The following TMEM272 variants were observed in gnomAD, a reference collection of about 807,000 sequenced individuals.
TMEM272 encodes transmembrane protein 272, also known as long intergenic non-protein coding RNA 282.
In TMEM272, 8 loss-of-function variants were observed where a neutral mutation model predicts 3.7. That is an observed-to-expected ratio of 2.17 (90% CI 1.27 to 3.91). The LOEUF (loss-of-function observed/expected upper bound fraction) is 3.91. Among genes scored for constraint, TMEM272 ranks in the 30% most tolerant of loss-of-function variants. TMEM272 has a pLI of 0.00. For missense variants in TMEM272, 166 were observed against 91.5 expected, an observed-to-expected ratio of 1.81 and a Z score of -3.32; for synonymous variants, 63 against 39.8, an observed-to-expected ratio of 1.58 and a Z score of -2.20.
chr13:51,871,088 T>G, the TMEM272 span, among the ~76,000 whole-genome samples: 1 of 152,014 alleles, frequency 6.6e-6, no homozygotes, highest in Non-Finnish European at 1.5e-5. Flanking sequence ...TGACTCCTAG[T>G]GATTCTCCCC....
At chr13:51,920,891 C>T in the TMEM272 span, among the ~76,000 whole-genome samples, 4 of 152,332 alleles carry the variant, frequency 2.6e-5, no homozygotes, top group South Asian at 4.1e-4. Context: ...AGTGGACTTC[C>T]GGTGGCCTTC....
upstream of TMEM272, among the ~76,000 whole-genome samples, chr13:51,849,115 A>G (rs1052458975): frequency 6.6e-6 from 1 of 152,154 alleles, no homozygotes; most frequent in African/African-American, 2.4e-5. Context: ...CCTGAGGACA[A>G]TTTAAGAAAA....
chr13:51,874,149 T>G, the TMEM272 span, among the ~76,000 whole-genome samples: 1 of 152,204 alleles, frequency 6.6e-6, no homozygotes, highest in Non-Finnish European at 1.5e-5. Flanking sequence ...GGGACAGTAG[T>G]GTGAGCCAGA....
the TMEM272 span, among the ~76,000 whole-genome samples, chr13:51,854,988 C>G: frequency 1.3e-5 from 2 of 152,262 alleles, no homozygotes; most frequent in South Asian, 4.1e-4. Context: ...CTGGACATCT[C>G]AGAGATACCT....
chr13:51,852,049 A>G, the TMEM272 span, among the ~76,000 whole-genome samples: 1 of 152,242 alleles, frequency 6.6e-6, no homozygotes. Flanking sequence ...ATTCACGTGT[A>G]ATTTTCTTAG....
the TMEM272 span, chr13:51,932,794 T>C: frequency 1.3e-5 from 2 of 152,364 alleles, no homozygotes; most frequent in South Asian, 4.1e-4. Context: ...TATAAAATTA[T>C]ATAAATATTT....
the TMEM272 span, among the ~76,000 whole-genome samples, chr13:51,873,868 A>G: frequency 6.6e-6 from 1 of 152,180 alleles, no homozygotes; most frequent in African/African-American, 2.4e-5. Context: ...TATGCAGGGA[A>G]TACTCAAAGG....
At chr13:51,885,149 G>A in the TMEM272 span, among the ~76,000 whole-genome samples, 1 of 152,166 alleles carries the variant, frequency 6.6e-6, no homozygotes, top group South Asian at 2.1e-4. Context: ...GGGTATCCAT[G>A]AACACTTTTG....
chr13:51,900,276 A>G, the TMEM272 span, among the ~76,000 whole-genome samples: 1 of 152,226 alleles, frequency 6.6e-6, no homozygotes. Context: ...GAATAAATTA[A>G]CTCTTACAAA....
At chr13:51,932,245 AG>A in the TMEM272 span, 1 of 152,242 alleles carries the variant, frequency 6.6e-6, no homozygotes, top group African/African-American at 2.4e-5. Flanking sequence ...CTACTAGTCA[AG>A]ATTTTTCTGC....
intron 2 of TMEM272, among the ~76,000 whole-genome samples, chr13:51,835,770 T>C (rs1179308078): frequency 6.6e-6 from 1 of 152,174 alleles, no homozygotes; most frequent in African/African-American, 2.4e-5. Context: ...CAAAGAGTAA[T>C]AGAGCAAACA....
At chr13:51,905,861 T>C in the TMEM272 span, among the ~76,000 whole-genome samples, 2 of 152,176 alleles carry the variant, frequency 1.3e-5, no homozygotes, top group African/African-American at 4.8e-5. Context: ...GATGCCGCCT[T>C]CTCTTCTTCA....
the TMEM272 span, among the ~76,000 whole-genome samples, chr13:51,850,809 T>C: frequency 6.6e-6 from 1 of 152,260 alleles, no homozygotes; most frequent in African/African-American, 2.4e-5. Context: ...ATTATTAACG[T>C]ATTTATATGC....
At chr13:51,869,458 C>CT in the TMEM272 span, among the ~76,000 whole-genome samples, 4 of 150,586 alleles carry the variant, frequency 2.7e-5, no homozygotes, top group Non-Finnish European at 4.4e-5. Context: ...CTTCCAGTCA[C>CT]TTTAAGTTAA....
intron 4 of TMEM272, among the ~76,000 whole-genome samples, chr13:51,821,122 A>G (rs1566335363): frequency 6.6e-6 from 1 of 152,238 alleles, no homozygotes; most frequent in Admixed American, 6.5e-5. Flanking sequence ...ACCAGAAGGC[A>G]GCTGGCAAAG....
chr13:51,862,463 A>G, the TMEM272 span, among the ~76,000 whole-genome samples: 1 of 152,214 alleles, frequency 6.6e-6, no homozygotes, highest in Non-Finnish European at 1.5e-5. Flanking sequence ...TCTTTCTTAA[A>G]GAAAGTTTAG....
the TMEM272 span, among the ~76,000 whole-genome samples, chr13:51,925,106 G>A: frequency 6.6e-6 from 1 of 152,132 alleles, no homozygotes; most frequent in Non-Finnish European, 1.5e-5. Context: ...AATTTCTCTT[G>A]CACTTAGAAG....
chr13:51,826,859 G>A (rs948987765), intron 2 of TMEM272, among the ~76,000 whole-genome samples: 1 of 152,278 alleles, frequency 6.6e-6, no homozygotes, highest in East Asian at 1.9e-4. Flanking sequence ...CCGATGCCAA[G>A]GCCCAGATAT....
the TMEM272 span, among the ~76,000 whole-genome samples, chr13:51,858,743 G>GGTAAAAA: frequency 6.6e-6 from 1 of 152,150 alleles, no homozygotes; most frequent in East Asian, 1.9e-4. Flanking sequence ...GGTGTAAAAG[G>GGTAAAAA]AAAAAAACTC....
Sources: allele counts gnomAD v4.1 joint callset (sites outside exome capture counted in the v4.1 genomes callset), GRCh38; gene constraint gnomAD v4.1.1; transcripts MANE v1.5; gene names NCBI Gene and HGNC (gene_info 2026-07-23, HGNC 2026-07-21).